SLC4A7: variants seen among roughly 807,000 people sequenced by gnomAD.
The protein encoded by SLC4A7 is solute carrier family 4 member 7.
Under a neutral mutation model 137.6 loss-of-function variants are expected in SLC4A7, and 51 were observed. The observed-to-expected ratio is 0.37, with a 90% CI of 0.30 to 0.47. The LOEUF (loss-of-function observed/expected upper bound fraction) is 0.47, where lower values mean the gene tolerates loss of function less well. SLC4A7 is among the 20% of genes least tolerant of loss of function. SLC4A7 has a pLI of 1.00. For missense variants in SLC4A7, 1,247 were observed against 1,525.4 expected (o/e 0.82, Z 3.04); for synonymous variants, 542 against 518.6 (o/e 1.05, Z -0.61).
At chr3:27,380,017 G>A (rs1022545229) in intron 24 of SLC4A7, among the ~76,000 whole-genome samples, 1 of 152,134 alleles carries the variant, frequency 6.6e-6, no homozygotes, top group Admixed American at 6.6e-5. Flanking sequence ...AAAATTAAAA[G>A]AACAGAGTAG....
intron 20 of SLC4A7, among the ~76,000 whole-genome samples, chr3:27,392,563 T>C (rs1328417299): frequency 3.3e-5 from 5 of 152,146 alleles, no homozygotes; most frequent in African/African-American, 1.2e-4. Context: ...ATCTAAGCAA[T>C]GCCTGTAATC....
intron 3 of SLC4A7, among the ~76,000 whole-genome samples, chr3:27,440,089 G>A (rs950091058): frequency 3.9e-5 from 6 of 152,144 alleles, no homozygotes; most frequent in African/African-American, 1.4e-4. Context: ...CATCATGCTA[G>A]TAACAAATTT....
chr3:27,452,032 G>C (rs955173682), intron 2 of SLC4A7, among the ~76,000 whole-genome samples: 18 of 152,154 alleles, frequency 1.2e-4, no homozygotes, highest in East Asian at 1.2e-3. Context: ...ATTTTAAAAG[G>C]CTAATGTAAC....
Position 27,404,887 on chromosome 3 carries a change from A to G in SLC4A7, c.2018T>C (p.Ile673Thr). ...TAGAACTGGACCTGTGCTCCCCAAT[A>G]TTGTTAGAGGTTGCCCAGCAAACAA... Reference protein sequence around the residue: ...YSLFAGQPLTILGSTGPVLVF... With the variant: ...YSLFAGQPLTTLGSTGPVLVF... Residue 673 changes from isoleucine (I) to threonine (T), a missense_variant, in exon 14 of 26, where the codon ATA becomes ACA. This residue lies in a region of SLC4A7 where 499 missense variants were observed against 664.2 expected (regional missense o/e 0.75). Coordinates refer to ENST00000454389, the MANE Select transcript of SLC4A7 (RefSeq NM_001321103.2). The G allele has an allele frequency of 6.2e-7, 1 of 1,611,230 alleles. No individual in the cohort carries two copies. Among genetic ancestry groups the G allele is most frequent in the African/African-American group, 1.3e-5 (1 of 74,810 alleles).
intron 6 of SLC4A7, among the ~76,000 whole-genome samples, chr3:27,432,994 A>T (rs1290015827): frequency 6.6e-6 from 1 of 152,210 alleles, no homozygotes; most frequent in African/African-American, 2.4e-5. Flanking sequence ...CATAATTTTA[A>T]ATGGATTAAA....
At chr3:27,456,036 G>A (rs562136103) in intron 1 of SLC4A7, among the ~76,000 whole-genome samples, 1 of 152,118 alleles carries the variant, frequency 6.6e-6, no homozygotes, top group Admixed American at 6.5e-5. Context: ...TATTTATCTT[G>A]CCTGAAAAAG....
chr3:27,394,892 A>G (rs2051980868), intron 19 of SLC4A7, 62 bp downstream of exon 19: 18 of 1,542,322 alleles, frequency 1.2e-5, no homozygotes, highest in Non-Finnish European at 1.6e-5. Context: ...TGTTCTAATC[A>G]TTACAAAAAC....
Position 27,484,169 on chromosome 3 carries a change from G to C in SLC4A7, c.-43C>G, listed in dbSNP as rs904302396. ...GTGACGGCCGCTACGGTACTGCCCCGCGCGGTCTGCCTGCTTCTGCCGCTG... is the reference window on the plus strand; with the variant it reads ...GTGACGGCCGCTACGGTACTGCCCCCCGCGGTCTGCCTGCTTCTGCCGCTG... On this transcript the variant is annotated 5_prime_UTR_variant, in exon 1 of 26. Coordinates refer to ENST00000454389, the MANE Select transcript of SLC4A7 (RefSeq NM_001321103.2). 1.8e-5 allele frequency: 23 copies of C among 1,261,470 alleles called. No individual in the cohort carries two copies. The highest frequency in any genetic ancestry group is 8.2e-5 in the Admixed American group (2 of 24,294). The allele number at this position is 1,261,470 out of a possible 1,614,324, so 78.1% of individuals were successfully genotyped here. A position where few individuals can be genotyped will look rare whatever the true frequency, so the allele number is the denominator to read the frequency against.
At chr3:27,463,809 A>C (rs143786488) in intron 1 of SLC4A7, among the ~76,000 whole-genome samples, 27 of 152,080 alleles carry the variant, frequency 1.8e-4, no homozygotes, top group African/African-American at 5.8e-4. Context: ...TGTTAGCAGG[A>C]CTCCATCTCA....
intron 1 of SLC4A7, among the ~76,000 whole-genome samples, chr3:27,468,936 G>C (rs1370811512): frequency 1.3e-5 from 2 of 151,918 alleles, no homozygotes; most frequent in African/African-American, 4.8e-5. Context: ...GCAAAATGCT[G>C]TCTCTACTAA....
At chr3:27,386,221 TAAAG>T (rs1434895533) in intron 22 of SLC4A7, among the ~76,000 whole-genome samples, 198 bp from the exon 23 acceptor site, 2 of 146,734 alleles carry the variant, frequency 1.4e-5, no homozygotes, top group African/African-American at 5.0e-5. Flanking sequence ...AAAAAAACTA[TAAAG>T]AGAGGAAAAA....
chr3:27,385,822 T>C (rs924521301), intron 23 of SLC4A7, 70 bp downstream of exon 23: 4 of 1,022,850 alleles, frequency 3.9e-6, no homozygotes, highest in Non-Finnish European at 4.3e-6. Context: ...GTGATTATAA[T>C]GGTGCCTGCA....
intron 1 of SLC4A7, among the ~76,000 whole-genome samples, chr3:27,461,797 C>CAA (rs11353094): frequency 5.9e-5 from 8 of 136,036 alleles, no homozygotes; most frequent in South Asian, 4.7e-4. Flanking sequence ...CCATCTCCAC[C>CAA]AAAAAAAAAA....
At chr3:27,445,931 CAAAAAAAAAAAAAAAAAA>C (rs1164631983) in intron 3 of SLC4A7, among the ~76,000 whole-genome samples, 1 of 58,526 alleles carries the variant, frequency 1.7e-5, no homozygotes, top group Non-Finnish European at 2.7e-5. Context: ...GGCTCAGTCT[CAAAAAAAAAAAAAAAAAA>C]AAAAAAAAAA....
intron 1 of SLC4A7, among the ~76,000 whole-genome samples, chr3:27,475,486 C>T (rs2059426633): frequency 6.6e-6 from 1 of 151,988 alleles, no homozygotes; most frequent in Admixed American, 6.6e-5. Flanking sequence ...GTACTTGTTA[C>T]ATCTAGGTTA....
chr3:27,475,241 T>C (rs1008745979), intron 1 of SLC4A7, among the ~76,000 whole-genome samples: 1 of 151,916 alleles, frequency 6.6e-6, no homozygotes, highest in Non-Finnish European at 1.5e-5. Flanking sequence ...TTTTATTATG[T>C]AGGATACTCC....
chr3:27,394,993 G>T lies in SLC4A7; in HGVS notation c.2826C>A (p.Ile942=). The stretch of plus-strand genomic sequence containing the variant: ...CCTTTCTGTTTATAATTACAGCTGT[G>T]ATTTGTTGATCCATAAAGATGAGAA... ...CTILIFMDQQ[I]TAVIINRKEH... Residue 942 remains isoleucine (I), a synonymous_variant, in exon 19 of 26, where the codon ATC becomes ATA. Coordinates refer to ENST00000454389, the MANE Select transcript of SLC4A7 (RefSeq NM_001321103.2). 6.2e-7 allele frequency: 1 copy of T among 1,604,534 alleles called. No homozygotes were observed. The highest frequency in any genetic ancestry group is 8.5e-7 in the Non-Finnish European group (1 of 1,177,702).
intron 7 of SLC4A7, among the ~76,000 whole-genome samples, chr3:27,429,339 ATT>A (rs141812029): frequency 6.6e-6 from 1 of 151,480 alleles, no homozygotes; most frequent in Non-Finnish European, 1.5e-5. Flanking sequence ...TGCACATACA[ATT>A]TTTTTTTCCC....
chr3:27,464,793 T>C (rs2058889622), intron 1 of SLC4A7, among the ~76,000 whole-genome samples: 1 of 152,072 alleles, frequency 6.6e-6, no homozygotes. Context: ...TTACGAGCAC[T>C]GGGAGGATGG....
Sources: gnomAD v4.1 joint callset for allele counts (sites outside exome capture counted in the v4.1 genomes callset) on GRCh38, gnomAD v4.1.1 for gene constraint, gnomAD v4.1.1 regional missense constraint, MANE v1.5 for transcripts, NCBI Gene and HGNC (gene_info 2026-07-23, HGNC 2026-07-21) for gene names.